NCAM2: variants seen among roughly 807,000 people sequenced by gnomAD.
NCAM2 encodes the protein neural cell adhesion molecule 2, also known as N-CAM-2.
NCAM2 carries 30 observed loss-of-function variants against 98.1 expected under a neutral mutation model. The ratio of observed to expected loss-of-function variants is 0.31; its 90% CI spans 0.23 to 0.41. The LOEUF (loss-of-function observed/expected upper bound fraction) is 0.41. Among genes scored for constraint, NCAM2 ranks in the 10% least tolerant of loss-of-function variants. The pLI is 1.00. For missense variants in NCAM2, 867 were observed against 1,005.8 expected, an observed-to-expected ratio of 0.86 and a Z score of 1.87; for synonymous variants, 368 against 342.4, an observed-to-expected ratio of 1.07 and a Z score of -0.83.
chr21:21,286,310 A>G lies in NCAM2; in HGVS notation c.379A>G (p.Lys127Glu). The change falls in exon 4 of 18, where the codon AAA becomes GAA. Residue 127 changes from lysine (K) to glutamate (E), a missense_variant. Physicochemically the swap from Lys to Glu is moderately conservative, Grantham distance 56. Coordinates refer to ENST00000400546, the MANE Select transcript of NCAM2 (RefSeq NM_004540.5). ...FREVVSPQEFKQGEDAEVVCR... is the reference protein window; with the variant it reads ...FREVVSPQEFEQGEDAEVVCR... ...AGAAGTGGTATCTCCACAAGAATTC[A>G]AACAAGGAGAAGATGCAGAAGTGGT... 1 of 1,611,844 alleles carries G rather than the reference A, an allele frequency of 6.2e-7. No homozygotes were observed. Among genetic ancestry groups the G allele is most frequent in the South Asian group, 1.1e-5 (1 of 90,944 alleles).
At chr21:21,238,453 A>G (rs186393317) in intron 1 of NCAM2, among the ~76,000 whole-genome samples, 2 of 152,180 alleles carry the variant, frequency 1.3e-5, no homozygotes, top group African/African-American at 4.8e-5. Context: ...GAAAATGTAT[A>G]TTCTGAACAT....
chr21:21,186,852 A>AAC (rs1436876329), intron 1 of NCAM2, among the ~76,000 whole-genome samples: 1 of 152,208 alleles, frequency 6.6e-6, no homozygotes, highest in East Asian at 1.9e-4. Context: ...TACGATTGTA[A>AAC]ATATACAAAT....
intron 9 of NCAM2, among the ~76,000 whole-genome samples, chr21:21,392,304 G>T (rs1302408461): frequency 6.6e-6 from 1 of 152,164 alleles, no homozygotes; most frequent in Non-Finnish European, 1.5e-5. Context: ...TGGCTACATA[G>T]TATTCCGTGG....
At chr21:21,040,591 C>A (rs949708600) in intron 1 of NCAM2, among the ~76,000 whole-genome samples, 4 of 151,684 alleles carry the variant, frequency 2.6e-5, no homozygotes, top group Non-Finnish European at 5.9e-5. Flanking sequence ...CAATGGAATA[C>A]CGTTCAGTCT....
intron 11 of NCAM2, among the ~76,000 whole-genome samples, chr21:21,424,964 A>G (rs1482522809): frequency 7.2e-6 from 1 of 138,008 alleles, no homozygotes; most frequent in African/African-American, 2.7e-5. Context: ...TGAATCCAGG[A>G]GGCGGAAGTT....
intron 1 of NCAM2, among the ~76,000 whole-genome samples, chr21:21,164,538 C>T (rs758223550): frequency 6.6e-6 from 1 of 152,106 alleles, no homozygotes; most frequent in Non-Finnish European, 1.5e-5. Context: ...TAGCAGTTAT[C>T]AAATGAGTCA....
intron 1 of NCAM2, among the ~76,000 whole-genome samples, chr21:21,134,606 A>C (rs928429428): frequency 7.9e-5 from 12 of 152,242 alleles, no homozygotes; most frequent in African/African-American, 2.9e-4. Flanking sequence ...AAACTTTTTA[A>C]TGTGCTAATA....
intron 17 of NCAM2, among the ~76,000 whole-genome samples, chr21:21,537,251 T>G (rs1013219892): frequency 6.6e-5 from 10 of 152,112 alleles, no homozygotes; most frequent in Non-Finnish European, 1.3e-4. Context: ...TTCACCGTTT[T>G]GGCCAGGCTG....
chr21:21,189,645 T>C (rs989422939), intron 1 of NCAM2, among the ~76,000 whole-genome samples: 7 of 152,236 alleles, frequency 4.6e-5, no homozygotes, highest in Admixed American at 1.3e-4. Context: ...TTAAGCAAGA[T>C]TGACATTTTC....
intron 1 of NCAM2, among the ~76,000 whole-genome samples, chr21:21,101,712 G>T (rs1244630530): frequency 6.6e-6 from 1 of 152,002 alleles, no homozygotes; most frequent in African/African-American, 2.4e-5. Flanking sequence ...TGTGTTCTTT[G>T]CTGATATTTG....
chr21:21,066,531 A>C (rs138189418), intron 1 of NCAM2, among the ~76,000 whole-genome samples: 1 of 152,268 alleles, frequency 6.6e-6, no homozygotes, highest in Non-Finnish European at 1.5e-5. Context: ...AAAATGATGT[A>C]GCTGTGGAAA....
At chr21:21,104,522 G>A (rs2066306384) in intron 1 of NCAM2, among the ~76,000 whole-genome samples, 1 of 152,058 alleles carries the variant, frequency 6.6e-6, no homozygotes, top group East Asian at 1.9e-4. Flanking sequence ...CTCTTGTGAA[G>A]CATATATTTT....
At chr21:21,387,185 CAT>C (rs1479319908) in intron 9 of NCAM2, among the ~76,000 whole-genome samples, 259 of 70,328 alleles carry the variant, frequency 3.7e-3, no homozygotes, top group Middle Eastern at 0.021. Context: ...CGCACACACA[CAT>C]ACACACACAC....
At chr21:21,138,499 A>G (rs779122226) in intron 1 of NCAM2, among the ~76,000 whole-genome samples, 1 of 152,142 alleles carries the variant, frequency 6.6e-6, no homozygotes, top group African/African-American at 2.4e-5. Flanking sequence ...ACACAGTAGG[A>G]ATCAATGATA....
At chr21:21,347,390 C>A (rs1055972131) in intron 8 of NCAM2, among the ~76,000 whole-genome samples, 2 of 151,780 alleles carry the variant, frequency 1.3e-5, no homozygotes, top group Admixed American at 6.6e-5. Flanking sequence ...CAAAACTGGA[C>A]AAATCACATT....
At chr21:21,267,142 C>T (rs2072313959) in intron 1 of NCAM2, among the ~76,000 whole-genome samples, 1 of 152,096 alleles carries the variant, frequency 6.6e-6, no homozygotes, top group Non-Finnish European at 1.5e-5. Flanking sequence ...AAGCATACTG[C>T]ACAGTTTAAT....
intron 1 of NCAM2, among the ~76,000 whole-genome samples, chr21:21,183,879 C>G (rs1476799247): frequency 6.6e-6 from 1 of 151,912 alleles, no homozygotes; most frequent in East Asian, 1.9e-4. Flanking sequence ...AAAAGAAAAA[C>G]CGACCAACTT....
At chr21:21,048,443 C>G (rs1175821179) in intron 1 of NCAM2, among the ~76,000 whole-genome samples, 1 of 152,068 alleles carries the variant, frequency 6.6e-6, no homozygotes, top group African/African-American at 2.4e-5. Flanking sequence ...AGCTCTGCCT[C>G]CAGGGTTCAC....
intron 1 of NCAM2, among the ~76,000 whole-genome samples, chr21:21,049,253 T>A (rs2065060048): frequency 2.0e-5 from 3 of 151,136 alleles, no homozygotes; most frequent in Admixed American, 6.6e-5. Flanking sequence ...TCTCCTGACC[T>A]CATGATCCAC....
Sources: gnomAD v4.1 joint callset for allele counts (sites outside exome capture counted in the v4.1 genomes callset) on GRCh38, gnomAD v4.1.1 for gene constraint, MANE v1.5 for transcripts, NCBI Gene and HGNC (gene_info 2026-07-23, HGNC 2026-07-21) for gene names.